Variants in ELAPOR1 observed in about 807,000 individuals in gnomAD.
ELAPOR1 encodes the protein endosome/lysosome-associated apoptosis and autophagy regulator 1.
A neutral mutation model predicts 119.7 loss-of-function variants in ELAPOR1; 77 were observed. That is an observed-to-expected ratio of 0.64 (90% CI 0.54 to 0.78). The LOEUF (loss-of-function observed/expected upper bound fraction) is 0.78, where lower values mean the gene tolerates loss of function less well. ELAPOR1 is among the 30% of genes least tolerant of loss of function. The probability of loss-of-function intolerance (pLI) is 0.00; values close to 1 mark genes in which losing one functional copy is unlikely to be tolerated. For missense variants in ELAPOR1, 1,115 were observed against 1,270.4 expected (o/e 0.88, Z 1.86); for synonymous variants, 481 against 487.2 (o/e 0.99, Z 0.17).
intron 7 of ELAPOR1, among the ~76,000 whole-genome samples, chr1:109,179,913 A>G (rs1652594053): frequency 6.6e-6 from 1 of 152,182 alleles, no homozygotes; most frequent in Non-Finnish European, 1.5e-5. Context: ...TCTCAAAAAA[A>G]AAGAATTTTA....
intron 7 of ELAPOR1, among the ~76,000 whole-genome samples, chr1:109,178,915 A>G (rs1421629921): frequency 6.6e-6 from 1 of 151,320 alleles, no homozygotes; most frequent in Non-Finnish European, 1.5e-5. Flanking sequence ...CAGTGAACCA[A>G]GATCATGCCA....
chr1:109,157,386 T>C (rs1650946915), intron 1 of ELAPOR1, among the ~76,000 whole-genome samples: 1 of 152,184 alleles, frequency 6.6e-6, no homozygotes, highest in Non-Finnish European at 1.5e-5. Context: ...AAACCTACTG[T>C]GTGATGTGCT....
chr1:109,135,676 G>T (rs1649426028), intron 1 of ELAPOR1, among the ~76,000 whole-genome samples: 1 of 152,192 alleles, frequency 6.6e-6, no homozygotes, highest in Admixed American at 6.5e-5. Flanking sequence ...AGAAAGGCAG[G>T]CTTGGGTTTC....
intron 12 of ELAPOR1, 121 bp downstream of exon 12, chr1:109,191,592 C>G: frequency 7.1e-7 from 1 of 1,413,064 alleles, no homozygotes; most frequent in Non-Finnish European, 9.9e-7. Flanking sequence ...AGGAAAGGCC[C>G]AGACTGACCA....
chr1:109,159,742 C>T lies in ELAPOR1; in HGVS notation c.154-2152C>T, dbSNP rs573381577. Among the ~76,000 whole-genome samples, 6 of 152,262 alleles carry T rather than the reference C, an allele frequency of 3.9e-5. No individual in the cohort carries two copies. The South Asian group carries it at 1.2e-3, about 31-fold the overall frequency. On this transcript the variant is annotated intron_variant, in intron 1 of 21. Coordinates refer to ENST00000369939, the MANE Select transcript of ELAPOR1 (RefSeq NM_020775.5). ...TTTCTCATCTGTACAATGAAGGAAACAACCCCTGGTCTACTTGCCTTATAG... is the reference window on the plus strand; with the variant it reads ...TTTCTCATCTGTACAATGAAGGAAATAACCCCTGGTCTACTTGCCTTATAG...
intron 1 of ELAPOR1, among the ~76,000 whole-genome samples, chr1:109,135,728 G>A (rs2100988382): frequency 6.6e-6 from 1 of 152,270 alleles, no homozygotes; most frequent in East Asian, 1.9e-4. Flanking sequence ...TGTGACTGGG[G>A]GCATATGACT....
intron 1 of ELAPOR1, among the ~76,000 whole-genome samples, chr1:109,146,951 G>A (rs1650215383): frequency 6.6e-6 from 1 of 151,956 alleles, no homozygotes; most frequent in Middle Eastern, 3.4e-3. Context: ...TGTCACCCAG[G>A]ATGGAGTGTA....
chr1:109,174,641 A>G (rs1558050861), intron 7 of ELAPOR1, among the ~76,000 whole-genome samples: 1 of 151,994 alleles, frequency 6.6e-6, no homozygotes, highest in Non-Finnish European at 1.5e-5. Context: ...TGAGATGGTA[A>G]AAAGTGCCAT....
At chr1:109,187,559 G>A in intron 8 of ELAPOR1, 1 of 1,001,866 alleles carries the variant, frequency 1.0e-6, no homozygotes, top group African/African-American at 1.7e-5. Context: ...GGCCACATGG[G>A]AAGAATGGAG....
intron 1 of ELAPOR1, among the ~76,000 whole-genome samples, chr1:109,157,668 T>C (rs754240787): frequency 2.0e-5 from 3 of 152,152 alleles, no homozygotes; most frequent in Non-Finnish European, 4.4e-5. Context: ...TCAAGCACCA[T>C]GTGGGAAGGG....
At chr1:109,197,688 A>AGAGAGAGAGAGTGT (rs113482805) in intron 16 of ELAPOR1, 34 bp downstream of exon 16, 28 of 1,366,708 alleles carry the variant, frequency 2.0e-5, no homozygotes, top group South Asian at 1.1e-4. Flanking sequence ...CTTGTTTGAG[A>AGAGAGAGAGAGTGT]GTGTGTGTGT....
At chr1:109,117,017 C>A (rs111383777) in intron 1 of ELAPOR1, among the ~76,000 whole-genome samples, 3,237 of 151,880 alleles carry the variant, frequency 0.021, 43 homozygotes, top group Non-Finnish European at 0.032. Flanking sequence ...AATCTTCATA[C>A]GAATTTCTTG....
At position 109,197,564 on chromosome 1, in the gene ELAPOR1, G is replaced by A. The variant is rs201959499; in HGVS notation, c.2212G>A (p.Val738Ile). The change falls in exon 16 of 22, where the codon GTC (valine) becomes ATC (isoleucine). Residue 738 changes from valine (V) to isoleucine (I), a missense_variant. Val to Ile is a conservative substitution (Grantham distance 29). Coordinates refer to ENST00000369939, the MANE Select transcript of ELAPOR1 (RefSeq NM_020775.5). ...SGFSKSITAYVCQAVIIPPEV... is the reference protein window; with the variant it reads ...SGFSKSITAYICQAVIIPPEV... ...GTTCTCCAAATCTATCACAGCCTAC[G>A]TCTGCCAGGCAGTCATCATCCCCCC... 28 of 1,614,162 alleles carry A rather than the reference G, an allele frequency of 1.7e-5. No homozygotes were observed. The highest frequency in any genetic ancestry group is 1.6e-4 in the Middle Eastern group (1 of 6,062).
chr1:109,175,685 G>A (rs1279973489), intron 7 of ELAPOR1, among the ~76,000 whole-genome samples: 1 of 150,366 alleles, frequency 6.7e-6, no homozygotes, highest in Non-Finnish European at 1.5e-5. Flanking sequence ...AAATTAGCCC[G>A]GCGTGGGGGC....
intron 1 of ELAPOR1, among the ~76,000 whole-genome samples, chr1:109,127,924 C>T (rs1240679210): frequency 6.0e-5 from 9 of 150,860 alleles, no homozygotes; most frequent in Non-Finnish European, 1.2e-4. Flanking sequence ...ACCAGGCTAA[C>T]GTGCAGTAGC....
At chr1:109,174,695 T>A (rs1652153479) in intron 7 of ELAPOR1, among the ~76,000 whole-genome samples, 1 of 151,616 alleles carries the variant, frequency 6.6e-6, no homozygotes, top group Non-Finnish European at 1.5e-5. Flanking sequence ...CTAGAGGGAT[T>A]AGGGAAGCTA....
In ELAPOR1 at chr1:109,189,136, C is replaced by T; in HGVS notation, c.1290C>T (p.Pro430=). 6.2e-7 allele frequency: 1 copy of T among 1,613,964 alleles called. No individual in the cohort carries two copies. The highest frequency in any genetic ancestry group is 8.5e-7 in the Non-Finnish European group (1 of 1,179,928). Residue 430 remains proline, a synonymous_variant, in exon 10 of 22, where the codon CCC becomes CCT. Transcript: ENST00000369939. ...GFEYKWWNTL[P]TNMETTVLSG... The stretch of plus-strand genomic sequence containing the variant: ...AATACAAATGGTGGAACACGCTGCC[C>T]ACAAACATGGAAACGACCGTTCTCA...
intron 7 of ELAPOR1, among the ~76,000 whole-genome samples, chr1:109,182,333 AAATAATAAT>A (rs59332839): frequency 0.52 from 78,526 of 149,622 alleles, 22,109 homozygotes; most frequent in Non-Finnish European, 0.63. Flanking sequence ...CTGTCTCAAA[AAATAATAAT>A]AATAATAATA....
In ELAPOR1 at chr1:109,198,566, T is replaced by C. The variant is rs768092992; in HGVS notation, c.2400-7T>C. The C allele has an allele frequency of 6.2e-7, 1 of 1,611,816 alleles. No individual in the cohort carries two copies. The highest frequency in any genetic ancestry group is 1.1e-5 in the South Asian group (1 of 90,370). On this transcript the variant is annotated splice_region_variant and splice_polypyrimidine_tract_variant and intron_variant, in intron 17 of 21. Transcript: ENST00000369939. ...CATTCCCTCATGGGGGCTGGCTTTC[T>C]CTGCAGGTCCAATGATGTGACCCAG...
Sources: gnomAD v4.1 joint callset for allele counts (sites outside exome capture counted in the v4.1 genomes callset) on GRCh38, gnomAD v4.1.1 for gene constraint, MANE v1.5 for transcripts, NCBI Gene and HGNC (gene_info 2026-07-23, HGNC 2026-07-21) for gene names.